The following DOCK5 variants were observed in gnomAD, a reference collection of about 807,000 sequenced individuals.
DOCK5 encodes dedicator of cytokinesis protein 5.
DOCK5 carries 142 observed loss-of-function variants against 251.8 expected under a neutral mutation model. The ratio of observed to expected loss-of-function variants is 0.56; its 90% CI spans 0.49 to 0.65. The LOEUF (loss-of-function observed/expected upper bound fraction) is 0.65. Among genes scored for constraint, DOCK5 ranks in the 30% least tolerant of loss-of-function variants. The pLI, the probability that DOCK5 is intolerant of heterozygous loss-of-function variation, is 0.00. For missense variants in DOCK5, 2,111 were observed against 2,312.3 expected, an observed-to-expected ratio of 0.91 and a Z score of 1.79; for synonymous variants, 842 against 835.5, an observed-to-expected ratio of 1.01 and a Z score of -0.13.
chr8:25,351,414 G>A (rs1800465828), intron 26 of DOCK5: 1 of 298,996 alleles, frequency 3.3e-6, no homozygotes, highest in Non-Finnish European at 6.4e-6. Context: ...ATGCTAATGG[G>A]GGTCCCCCAA....
chr8:25,328,845 T>G (rs1197818839), intron 18 of DOCK5, among the ~76,000 whole-genome samples: 1 of 152,164 alleles, frequency 6.6e-6, no homozygotes, highest in Non-Finnish European at 1.5e-5. Context: ...GCCAGGAGGT[T>G]CATACTCAGT....
chr8:25,199,290 T>G (rs1205474496), intron 1 of DOCK5, among the ~76,000 whole-genome samples: 1 of 128,546 alleles, frequency 7.8e-6, no homozygotes, highest in Non-Finnish European at 1.8e-5. Flanking sequence ...GACCTGTATT[T>G]CAAATAAAAT....
chr8:25,302,330 T>C lies in DOCK5; in HGVS notation c.852T>C (p.Leu284=), dbSNP rs1804787447. 2.5e-6 allele frequency: 4 copies of C among 1,610,356 alleles called. No homozygotes were observed. The African/African-American group carries it at 5.3e-5, about 22-fold the overall frequency. ...LNNLQAVFTD[L]SSMDLIRPRV... The stretch of plus-strand genomic sequence containing the variant: ...CACTTTCTCTGCCCCTTTAGGACCT[T>C]AGCAGCATGGACCTCATCCGGCCCC... Residue 284 remains leucine (L), a synonymous_variant, in exon 10 of 52, where the codon CTT becomes CTC. Transcript: ENST00000276440.
Position 25,413,602 on chromosome 8 carries a change from C to G in DOCK5, c.*2304C>G, listed in dbSNP as rs1801666043. 1 of 152,232 alleles carries G rather than the reference C, an allele frequency of 6.6e-6. No individual in the cohort carries two copies. The highest frequency in any genetic ancestry group is 2.4e-5 in the African/African-American group (1 of 41,510). 9.4% of individuals were successfully genotyped at this position (152,232 alleles called of 1,614,324 possible). The stretch of plus-strand genomic sequence containing the variant: ...AATAGAAAGATATAAAACTGGGTCA[C>G]CAAAAAAACCAAACCTCAAGGCTAT... On this transcript the variant is annotated 3_prime_UTR_variant, in exon 52 of 52. Transcript: ENST00000276440.
intron 1 of DOCK5, among the ~76,000 whole-genome samples, chr8:25,216,066 G>A (rs2117487743): frequency 6.6e-6 from 1 of 151,050 alleles, no homozygotes; most frequent in African/African-American, 2.4e-5. Context: ...TATACAATAT[G>A]TCTATACGTG....
At chr8:25,273,566 G>A (rs552167167) in intron 3 of DOCK5, among the ~76,000 whole-genome samples, 1 of 152,332 alleles carries the variant, frequency 6.6e-6, no homozygotes, top group South Asian at 2.1e-4. Context: ...TTGTGCGACT[G>A]TACTCCAGTC....
At chr8:25,190,032 G>T (rs570742431) in intron 1 of DOCK5, among the ~76,000 whole-genome samples, 1 of 152,082 alleles carries the variant, frequency 6.6e-6, no homozygotes, top group African/African-American at 2.4e-5. Flanking sequence ...GATTACAGGC[G>T]CACGCCACCA....
intron 11 of DOCK5, among the ~76,000 whole-genome samples, chr8:25,307,799 A>G (rs569137162): frequency 5.9e-5 from 9 of 152,312 alleles, no homozygotes; most frequent in Admixed American, 4.6e-4. Flanking sequence ...CAACAGCCGC[A>G]GTGGAGTATT....
At chr8:25,215,839 A>G (rs937297622) in intron 1 of DOCK5, among the ~76,000 whole-genome samples, 53 of 151,928 alleles carry the variant, frequency 3.5e-4, no homozygotes, top group African/African-American at 1.2e-3. Context: ...CCCAGTTTGG[A>G]TAGAGAAAAG....
intron 18 of DOCK5, 111 bp downstream of exon 18, chr8:25,325,658 A>T (rs1183313735): frequency 2.4e-6 from 3 of 1,276,150 alleles, no homozygotes; most frequent in Non-Finnish European, 3.2e-6. Flanking sequence ...ATTAGGTAGG[A>T]TGTTGGCCAA....
intron 37 of DOCK5, chr8:25,374,895 A>G (rs1800937778): frequency 1.5e-6 from 2 of 1,327,936 alleles, no homozygotes; most frequent in South Asian, 1.5e-5. Context: ...ACCTTTGGTA[A>G]TTGACACTCT....
At chr8:25,189,046 C>CA in intron 1 of DOCK5, among the ~76,000 whole-genome samples, 1 of 33,452 alleles carries the variant, frequency 3.0e-5, no homozygotes, top group African/African-American at 6.7e-5. Flanking sequence ...TTCTTTCTTT[C>CA]TTTTTTTTTT....
chr8:25,207,114 A>G (rs577769473), intron 1 of DOCK5, among the ~76,000 whole-genome samples: 2 of 152,344 alleles, frequency 1.3e-5, no homozygotes, highest in East Asian at 3.9e-4. Context: ...AGAGCTTTCT[A>G]TGAATGCAGA....
chr8:25,269,340 C>T (rs896490341), intron 3 of DOCK5, among the ~76,000 whole-genome samples: 5 of 152,004 alleles, frequency 3.3e-5, no homozygotes, highest in Admixed American at 2.6e-4. Flanking sequence ...GCCTCACATC[C>T]CAATAATACA....
chr8:25,331,795 TATATATAGAGAGAGAGAGAGAGAG>T (rs1218260849), intron 18 of DOCK5, among the ~76,000 whole-genome samples: 2 of 36,498 alleles, frequency 5.5e-5, no homozygotes, highest in African/African-American at 1.3e-4. Context: ...TATATATATA[TATATATAGAGAGAGAGAGAGAGAG>T]AGAGAGAGAG....
At chr8:25,231,630 C>T (rs2117520518) in intron 1 of DOCK5, among the ~76,000 whole-genome samples, 1 of 152,240 alleles carries the variant, frequency 6.6e-6, no homozygotes, top group East Asian at 1.9e-4. Flanking sequence ...GGTATTTGCT[C>T]ATAAACACAA....
intron 15 of DOCK5, among the ~76,000 whole-genome samples, chr8:25,319,925 A>C (rs1805378753): frequency 6.6e-6 from 1 of 152,254 alleles, no homozygotes; most frequent in Non-Finnish European, 1.5e-5. Context: ...TAGACTGCCA[A>C]GATGGTACAA....
chr8:25,249,432 C>T (rs1483174902), intron 2 of DOCK5, among the ~76,000 whole-genome samples: 1 of 152,196 alleles, frequency 6.6e-6, no homozygotes, highest in East Asian at 1.9e-4. Flanking sequence ...AATATCATCA[C>T]TATCTACTTT....
intron 11 of DOCK5, chr8:25,304,998 G>A (rs533213326): frequency 6.5e-6 from 1 of 152,722 alleles, no homozygotes; most frequent in African/African-American, 2.4e-5. Flanking sequence ...GAGCTGTTGG[G>A]AGCAGATTCA....
Sources: allele counts gnomAD v4.1 joint callset (sites outside exome capture counted in the v4.1 genomes callset), GRCh38; gene constraint gnomAD v4.1.1; transcripts MANE v1.5; gene names NCBI Gene and HGNC (gene_info 2026-07-23, HGNC 2026-07-21).